The following KIF13B variants were observed in gnomAD, a reference collection of about 807,000 sequenced individuals.
KIF13B encodes kinesin-like protein KIF13B.
Under a neutral mutation model 222.0 loss-of-function variants are expected in KIF13B, and 127 were observed. The observed-to-expected ratio is 0.57, with a 90% CI of 0.50 to 0.66. KIF13B has a LOEUF of 0.66. Among genes scored for constraint, KIF13B ranks in the 30% least tolerant of loss-of-function variants. KIF13B has a pLI of 0.00. For synonymous variants in KIF13B, 976 were observed against 919.0 expected (o/e 1.06, Z -1.12); for missense variants, 2,173 against 2,379.0 (o/e 0.91, Z 1.80).
intron 23 of KIF13B, among the ~76,000 whole-genome samples, chr8:29,131,306 T>C (rs1431395910): frequency 6.7e-6 from 1 of 150,090 alleles, no homozygotes; most frequent in Non-Finnish European, 1.5e-5. Context: ...CCTGCACATG[T>C]ACCCCCAAAT....
At chr8:29,165,637 C>T (rs369858543) in intron 12 of KIF13B, 25 bp downstream of exon 12, 32 of 1,462,086 alleles carry the variant, frequency 2.2e-5, no homozygotes, top group African/African-American at 7.0e-5. Flanking sequence ...AGGTTTCATG[C>T]GCTTCATCAT....
At chr8:29,148,511 G>A (rs1811159498) in intron 16 of KIF13B, 66 bp downstream of exon 16, 8 of 1,240,740 alleles carry the variant, frequency 6.4e-6, no homozygotes, top group Non-Finnish European at 8.8e-6. Context: ...CTGGGCTCAA[G>A]CGATCTCCCC....
chr8:29,071,960 C>G lies in KIF13B; in HGVS notation c.4878G>C (p.Gln1626His), dbSNP rs534256791. ...VPAEEPPGPQ[Q>H]LVSPGRERPD... is the part of the protein sequence containing the mutation. ...GGCGCTCCCGACCGGGGCTCACGAG[C>G]TGCTGGGGGCCAGGGGGCTCCTCGG... The change falls in exon 39 of 40, where the codon CAG becomes CAC. Residue 1626 changes from glutamine to histidine, a missense_variant. Gln to His is a conservative substitution (Grantham distance 24). Transcript: ENST00000524189. The surrounding 1 kb of genome is among the most constrained non-coding windows in gnomAD (Gnocchi z 4.9). 1.8e-4 allele frequency: 242 copies of G among 1,347,330 alleles called. 1 individual carries two copies. The African/African-American group carries it at 3.6e-3, about 20-fold the overall frequency. 83.5% of individuals were successfully genotyped at this position (1,347,330 alleles called of 1,614,324 possible). A position where few individuals can be genotyped will look rare whatever the true frequency, so the allele number is the denominator to read the frequency against.
intron 10 of KIF13B, among the ~76,000 whole-genome samples, chr8:29,173,942 CAA>C (rs72309757): frequency 1.7e-3 from 219 of 126,768 alleles, no homozygotes; most frequent in African/African-American, 6.2e-3. Flanking sequence ...GGCTCCGTCT[CAA>C]AAAAAAAAAA....
chr8:29,249,991 A>G, intron 1 of KIF13B: 1 of 1,281,140 alleles, frequency 7.8e-7, no homozygotes, highest in Non-Finnish European at 1.0e-6. Context: ...TTACCTCTTC[A>G]CTTCCTCAGG....
At chr8:29,223,240 G>A (rs534882917) in intron 2 of KIF13B, among the ~76,000 whole-genome samples, 66 of 150,486 alleles carry the variant, frequency 4.4e-4, no homozygotes, top group African/African-American at 1.5e-3. Flanking sequence ...GGGGGCTGAG[G>A]CGGGAGGATT....
intron 2 of KIF13B, among the ~76,000 whole-genome samples, chr8:29,230,334 C>T (rs1479096940): frequency 6.6e-6 from 1 of 152,150 alleles, no homozygotes; most frequent in Admixed American, 6.5e-5. Flanking sequence ...TGCAGCTTTG[C>T]TACTGCTTAC....
At chr8:29,234,685 G>GA (rs199754355) in intron 2 of KIF13B, among the ~76,000 whole-genome samples, 27,062 of 105,930 alleles carry the variant, frequency 0.26, 2,789 homozygotes, top group African/African-American at 0.3. Flanking sequence ...ACCACCAAAG[G>GA]AAAAAAAAAA....
chr8:29,201,781 G>A (rs1319532681), intron 2 of KIF13B, among the ~76,000 whole-genome samples: 1 of 152,188 alleles, frequency 6.6e-6, no homozygotes, highest in Non-Finnish European at 1.5e-5. Context: ...TCATGATATT[G>A]TTGCTTTTTT....
chr8:29,238,775 T>C (rs1324236539), intron 2 of KIF13B, among the ~76,000 whole-genome samples: 1 of 152,152 alleles, frequency 6.6e-6, no homozygotes, highest in Non-Finnish European at 1.5e-5. Context: ...AAAAAATCAG[T>C]GTTCAGGTTA....
At chr8:29,089,300 G>GTCT (rs1808184029) in intron 37 of KIF13B, among the ~76,000 whole-genome samples, 1 of 152,132 alleles carries the variant, frequency 6.6e-6, no homozygotes, top group Non-Finnish European at 1.5e-5. Context: ...TTAGCTGGGC[G>GTCT]TGATGGAGCG....
At chr8:29,105,299 A>G (rs1211957203) in intron 35 of KIF13B, among the ~76,000 whole-genome samples, 1 of 152,078 alleles carries the variant, frequency 6.6e-6, no homozygotes, top group Non-Finnish European at 1.5e-5. Context: ...CTCCCACTGC[A>G]TGTACTGTCA....
intron 4 of KIF13B, chr8:29,190,154 C>T (rs892153573): frequency 2.0e-5 from 3 of 152,216 alleles, no homozygotes; most frequent in African/African-American, 7.2e-5. Context: ...GGAGGCAAGA[C>T]TCTCATCTGA....
At position 29,137,316 on chromosome 8, in the gene KIF13B, G is replaced by A. The variant is rs555495811; in HGVS notation, c.2613+2747C>T. 4.7e-4 allele frequency among the ~76,000 whole-genome samples: 71 copies of A among 152,182 alleles called. 1 individual carries two copies. The highest frequency in any genetic ancestry group is 1.4e-3 in the African/African-American group (59 of 41,454). On this transcript the variant is annotated intron_variant, in intron 21 of 39. Coordinates refer to ENST00000524189, the MANE Select transcript of KIF13B (RefSeq NM_015254.4). ...TGTCAGCCATAAGAAATGAACACAG[G>A]CTGTTTGGGTTTTGTGGGGTTTTCA...
intron 2 of KIF13B, among the ~76,000 whole-genome samples, chr8:29,228,472 A>AAAAAAAAAAAAAAAAAATATAT: frequency 1.9e-4 from 22 of 117,072 alleles, no homozygotes; most frequent in African/African-American, 5.5e-4. Flanking sequence ...ATCTTAAAAA[A>AAAAAAAAAAAAAAAAAATATAT]ATATATATAT....
intron 28 of KIF13B, 85 bp downstream of exon 28, chr8:29,123,281 A>G: frequency 6.7e-7 from 1 of 1,490,814 alleles, no homozygotes; most frequent in Non-Finnish European, 9.1e-7. Flanking sequence ...CTCTTCCATT[A>G]ACCGTAGCAC....
chr8:29,231,921 T>C (rs1464255810), intron 2 of KIF13B, among the ~76,000 whole-genome samples: 3 of 152,186 alleles, frequency 2.0e-5, no homozygotes, highest in African/African-American at 7.2e-5. Flanking sequence ...TCCAGCTACA[T>C]ATTCCAGTCT....
intron 2 of KIF13B, among the ~76,000 whole-genome samples, chr8:29,203,877 G>A (rs1813810407): frequency 8.1e-6 from 1 of 123,548 alleles, no homozygotes; most frequent in African/African-American, 3.0e-5. Context: ...CTGGGTGACA[G>A]AGGGAGTTCC....
At chr8:29,107,366 A>G (rs1009101214) in intron 35 of KIF13B, among the ~76,000 whole-genome samples, 28 of 151,888 alleles carry the variant, frequency 1.8e-4, no homozygotes, top group African/African-American at 6.0e-4. Flanking sequence ...TGTCTCTAGT[A>G]AAAACATAAA....
Sources: allele counts gnomAD v4.1 joint callset (sites outside exome capture counted in the v4.1 genomes callset), GRCh38; gene constraint gnomAD v4.1.1; non-coding constraint Gnocchi (gnomAD v3.1); transcripts MANE v1.5; gene names NCBI Gene and HGNC (gene_info 2026-07-23, HGNC 2026-07-21).